The following TMEFF2 variants were observed in gnomAD, a reference collection of about 807,000 sequenced individuals.
The protein encoded by TMEFF2 is transmembrane protein with EGF like and two follistatin like domains 2.
A neutral mutation model predicts 53.8 loss-of-function variants in TMEFF2; 28 were observed. That is an observed-to-expected ratio of 0.52 (90% CI 0.39 to 0.71). TMEFF2 has a LOEUF of 0.71. TMEFF2 is among the 30% of genes least tolerant of loss of function. The probability of loss-of-function intolerance (pLI) is 0.00; values close to 1 mark genes in which losing one functional copy is unlikely to be tolerated. For synonymous variants in TMEFF2, 162 were observed against 166.3 expected (o/e 0.97, Z 0.20); for missense variants, 353 against 455.2 (o/e 0.78, Z 2.04).
chr2:192,006,371 G>A (rs1431704913), intron 5 of TMEFF2, among the ~76,000 whole-genome samples: 2 of 152,158 alleles, frequency 1.3e-5, no homozygotes, highest in African/African-American at 4.8e-5. Context: ...CTTGCCCTGG[G>A]TGGTCCCAGG....
chr2:191,983,629 A>T (rs1685908309), intron 7 of TMEFF2, among the ~76,000 whole-genome samples: 1 of 152,198 alleles, frequency 6.6e-6, no homozygotes, highest in South Asian at 2.1e-4. Flanking sequence ...CCCAGGGCAT[A>T]GGAGCCTTGC....
chr2:191,978,459 TA>T (rs370967849), intron 7 of TMEFF2, among the ~76,000 whole-genome samples: 2,056 of 142,580 alleles, frequency 0.014, 28 homozygotes, highest in African/African-American at 0.04. Flanking sequence ...TCAGCCCTAT[TA>T]AAAAAAAAAA....
chr2:191,952,564 C>T (rs955817494), intron 9 of TMEFF2, among the ~76,000 whole-genome samples: 7 of 151,862 alleles, frequency 4.6e-5, no homozygotes, highest in African/African-American at 1.7e-4. Flanking sequence ...GGCATCTAAA[C>T]GTGAGAGTCG....
intron 5 of TMEFF2, among the ~76,000 whole-genome samples, chr2:192,026,639 TA>T (rs1686977278): frequency 6.6e-6 from 1 of 152,170 alleles, no homozygotes; most frequent in South Asian, 2.1e-4. Flanking sequence ...CTTGAGTGCA[TA>T]AACAAGACTG....
intron 2 of TMEFF2, among the ~76,000 whole-genome samples, chr2:192,188,803 C>CT (rs1691380710): frequency 6.6e-6 from 1 of 151,768 alleles, no homozygotes; most frequent in Admixed American, 6.6e-5. Context: ...CTCTGCCTCC[C>CT]TCCCTTCCTT....
rs559807953 is a variant in TMEFF2 at position 192,059,962 on chromosome 2, T to C, written c.440-2187A>G. 1.9e-4 allele frequency among the ~76,000 whole-genome samples: 29 copies of C among 152,232 alleles called. 1 individual carries two copies. Among genetic ancestry groups the C allele is most frequent in the African/African-American group, 6.7e-4 (28 of 41,556 alleles). On this transcript the variant is annotated intron_variant, in intron 4 of 9. Coordinates refer to ENST00000272771, the MANE Select transcript of TMEFF2 (RefSeq NM_016192.4). ...TATAACAGTAAACAAACAAATGACT[T>C]AATCGGTGCACAACTTTCATTTAAC... is the stretch of plus-strand genomic sequence containing the variant.
chr2:191,994,495 A>G (rs1215295674), intron 7 of TMEFF2, among the ~76,000 whole-genome samples: 1 of 151,690 alleles, frequency 6.6e-6, no homozygotes, highest in Non-Finnish European at 1.5e-5. Flanking sequence ...CAGAAAATAT[A>G]CATATATATA....
intron 5 of TMEFF2, among the ~76,000 whole-genome samples, chr2:192,010,374 C>T (rs527913335): frequency 1.3e-5 from 2 of 152,156 alleles, no homozygotes; most frequent in East Asian, 3.9e-4. Flanking sequence ...CAACATTTTG[C>T]CTTGAAATAA....
chr2:192,073,170 AT>A (rs1688330311), intron 4 of TMEFF2, among the ~76,000 whole-genome samples: 2 of 151,972 alleles, frequency 1.3e-5, no homozygotes, highest in African/African-American at 4.8e-5. Context: ...AATGAAAAAA[AT>A]ATTCAGGTGA....
intron 7 of TMEFF2, among the ~76,000 whole-genome samples, chr2:191,959,647 TGCC>T (rs1692214593): frequency 6.6e-6 from 1 of 152,122 alleles, no homozygotes; most frequent in East Asian, 1.9e-4. Context: ...TGTTTACCAT[TGCC>T]CCTGTATTCC....
chr2:192,067,123 A>G (rs1688185385), intron 4 of TMEFF2, among the ~76,000 whole-genome samples: 1 of 151,892 alleles, frequency 6.6e-6, no homozygotes. Context: ...CAGAGAATGC[A>G]TCATTACTTG....
At chr2:192,116,607 AT>A (rs1340854791) in intron 4 of TMEFF2, among the ~76,000 whole-genome samples, 2 of 152,100 alleles carry the variant, frequency 1.3e-5, no homozygotes, top group African/African-American at 4.8e-5. Context: ...AAAGGAAATA[AT>A]TTTGTAGTTT....
At chr2:192,001,410 A>G (rs2105838682) in intron 5 of TMEFF2, among the ~76,000 whole-genome samples, 2 of 152,268 alleles carry the variant, frequency 1.3e-5, no homozygotes, top group East Asian at 3.9e-4. Context: ...TAGATTATAT[A>G]TATATACAGT....
At chr2:192,122,183 C>CA (rs1350774101) in intron 4 of TMEFF2, among the ~76,000 whole-genome samples, 1 of 151,810 alleles carries the variant, frequency 6.6e-6, no homozygotes, top group Non-Finnish European at 1.5e-5. Context: ...TATTATTTGT[C>CA]AAAAAAACTC....
chr2:192,123,873 T>A (rs1250353662), intron 4 of TMEFF2, among the ~76,000 whole-genome samples: 1 of 152,254 alleles, frequency 6.6e-6, no homozygotes, highest in Non-Finnish European at 1.5e-5. Flanking sequence ...ATTTGTAGAC[T>A]GATGCTGATT....
chr2:192,031,287 T>C (rs1687130285), intron 5 of TMEFF2: 1 of 152,200 alleles, frequency 6.6e-6, no homozygotes, highest in Admixed American at 6.5e-5. Context: ...TAATAGAAGG[T>C]AAGCTCAATA....
chr2:191,959,502 G>A lies in TMEFF2; in HGVS notation c.746-3124C>T, dbSNP rs77918470. Among the ~76,000 whole-genome samples, 127 of 152,278 alleles carry A rather than the reference G, an allele frequency of 8.3e-4. No homozygotes were observed. The East Asian group carries it at 0.024, about 28-fold the overall frequency. On this transcript the variant is annotated intron_variant, in intron 7 of 9. Coordinates refer to ENST00000272771, the MANE Select transcript of TMEFF2 (RefSeq NM_016192.4). ...GGAAAGAAACAGGGAAAGCTAAAGA[G>A]ACAGAGAATGGCAAATGGTGAGGCC...
chr2:192,129,328 A>G (rs1348246073), intron 4 of TMEFF2, among the ~76,000 whole-genome samples: 1 of 151,950 alleles, frequency 6.6e-6, no homozygotes, highest in Non-Finnish European at 1.5e-5. Flanking sequence ...ATAAGAGTAG[A>G]AAGCAGTATA....
At chr2:191,955,552 G>A (rs1692054722) in intron 8 of TMEFF2, among the ~76,000 whole-genome samples, 2 of 12,352 alleles carry the variant, frequency 1.6e-4, no homozygotes, top group African/African-American at 4.8e-4. Context: ...TTTTTTTAGA[G>A]ATAGGATCTC....
Sources: allele counts gnomAD v4.1 joint callset (sites outside exome capture counted in the v4.1 genomes callset), GRCh38; gene constraint gnomAD v4.1.1; transcripts MANE v1.5; gene names NCBI Gene and HGNC (gene_info 2026-07-23, HGNC 2026-07-21).